BAIAP3: variants seen among roughly 807,000 people sequenced by gnomAD.
BAIAP3 encodes BAI1-associated protein 3.
Under a neutral mutation model 149.7 loss-of-function variants are expected in BAIAP3, and 180 were observed. The observed-to-expected ratio is 1.20, with a 90% CI of 1.07 to 1.36. BAIAP3 has a LOEUF of 1.36. BAIAP3 is among the 40% of genes most tolerant of loss of function. The probability of loss-of-function intolerance (pLI) is 0.00; values close to 1 mark genes in which losing one functional copy is unlikely to be tolerated. For missense variants in BAIAP3, 1,767 were observed against 1,563.4 expected (o/e 1.13, Z -2.20); for synonymous variants, 845 against 670.7 (o/e 1.26, Z -4.02).
rs372851721 is a variant in BAIAP3, at chr16:1,344,472, G to A, written c.1606G>A (p.Gly536Ser). The change falls in exon 18 of 34, where the codon GGC becomes AGC. Residue 536 changes from glycine (G) to serine (S), a missense_variant. By Grantham distance (56) the Gly-to-Ser change is moderately conservative. Coordinates refer to ENST00000426824, the MANE Select transcript of BAIAP3 (RefSeq NM_001199097.2). ...NMDIAAALKRGNREWYDRILN... is the reference protein window; with the variant it reads ...NMDIAAALKRSNREWYDRILN... ...GTCTTGGTGGTGTCTGTTGCAGAGA[G>A]GCAACCGTGAGTGGTACGACAGGAT... is the stretch of plus-strand genomic sequence containing the variant. 9 of 1,613,506 alleles carry A rather than the reference G, an allele frequency of 5.6e-6. No homozygotes were observed. The highest frequency in any genetic ancestry group is 7.6e-6 in the Non-Finnish European group (9 of 1,179,996).
intron 5 of BAIAP3, among the ~76,000 whole-genome samples, chr16:1,340,095 C>CGCAT (rs2033792833): frequency 6.9e-6 from 1 of 145,778 alleles, no homozygotes; most frequent in Non-Finnish European, 1.5e-5. Context: ...TGCACACAGA[C>CGCAT]ACAGGCACAC....
At chr16:1,334,866 C>T (rs1326289758) in intron 1 of BAIAP3, 5 of 1,053,114 alleles carry the variant, frequency 4.7e-6, no homozygotes, top group Non-Finnish European at 7.1e-6. Context: ...AAGAGGGCAG[C>T]GTGGAGAGCC....
chr16:1,341,734 C>A, intron 8 of BAIAP3, 88 bp from the exon 9 acceptor site: 1 of 1,422,978 alleles, frequency 7.0e-7, no homozygotes, highest in South Asian at 1.3e-5. Context: ...TGCTTGTGGC[C>A]TGGTCCCTGC....
intron 11 of BAIAP3, 65 bp from the exon 12 acceptor site, chr16:1,342,461 TC>T (rs1254320544): frequency 6.8e-7 from 1 of 1,467,614 alleles, no homozygotes; most frequent in Non-Finnish European, 9.3e-7. Flanking sequence ...CTCCAGGGTC[TC>T]ACAGAGTCAG....
intron 5 of BAIAP3, among the ~76,000 whole-genome samples, chr16:1,340,721 C>T (rs967507288): frequency 6.6e-6 from 1 of 152,252 alleles, no homozygotes; most frequent in African/African-American, 2.4e-5. Flanking sequence ...TTGCGTGGCC[C>T]TCATCACACC....
At chr16:1,339,467 C>A in intron 4 of BAIAP3, 29 bp from the exon 5 acceptor site, 1 of 1,588,846 alleles carries the variant, frequency 6.3e-7, no homozygotes, top group Non-Finnish European at 8.6e-7. Flanking sequence ...TGGGACGCGG[C>A]ACTGTGGCCG....
chr16:1,337,442 T>G (rs1340149997), intron 1 of BAIAP3, among the ~76,000 whole-genome samples: 1 of 152,192 alleles, frequency 6.6e-6, no homozygotes, highest in Admixed American at 6.5e-5. Flanking sequence ...CGCTTGAACC[T>G]GGAAGGCGGA....
intron 1 of BAIAP3, chr16:1,334,428 G>A (rs988317072): frequency 3.6e-6 from 2 of 557,980 alleles, no homozygotes; most frequent in Non-Finnish European, 6.4e-6. Context: ...CGGGCGCCCG[G>A]GGCCCCGGGA....
rs201024491 is a variant in BAIAP3, at chr16:1,341,978, C to T, written c.777-8C>T. ...CAGACAAGCCAGGTCCTCCCCTGTC[C>T]CCACCAGGGATCATGACGACGATGT... is the stretch of plus-strand genomic sequence containing the variant. On this transcript the variant is annotated splice_polypyrimidine_tract_variant and splice_region_variant and intron_variant, in intron 9 of 33. Coordinates refer to ENST00000426824, the MANE Select transcript of BAIAP3 (RefSeq NM_001199097.2). 1.9e-6 allele frequency: 3 copies of T among 1,590,156 alleles called. No homozygotes were observed. The highest frequency in any genetic ancestry group is 1.7e-6 in the Non-Finnish European group (2 of 1,168,468).
chr16:1,346,773 C>T, intron 27 of BAIAP3, 74 bp from the exon 28 acceptor site: 3 of 1,529,310 alleles, frequency 2.0e-6, no homozygotes, highest in Admixed American at 2.0e-5. Flanking sequence ...GGGAGCTACT[C>T]CTCCAGGCCA....
rs116401495 is a variant in BAIAP3 at position 1,341,195 on chromosome 16, G to A, written c.535G>A (p.Gly179Ser). ...AKNLLAKDPN[G>S]FSDPYCMLGI... ...GAACCTTCTGGCCAAGGACCCCAAC[G>A]GTGAGTGGGGACCCAGCAGACCTCG... is the stretch of plus-strand genomic sequence containing the variant. The change falls in exon 7 of 34, where the codon GGC (glycine) becomes AGC (serine). Residue 179 changes from glycine to serine, a missense_variant and splice_region_variant. Transcript: ENST00000426824. 5.0e-6 allele frequency: 8 copies of A among 1,612,392 alleles called. No individual in the cohort carries two copies. Among genetic ancestry groups the A allele is most frequent in the Middle Eastern group, 1.7e-4 (1 of 6,056 alleles).
chr16:1,334,238 C>A (rs1449019306), intron 1 of BAIAP3, among the ~76,000 whole-genome samples: 1 of 151,980 alleles, frequency 6.6e-6, no homozygotes, highest in Admixed American at 6.5e-5. Context: ...GAAATCCCTG[C>A]GAGTGCAAAG....
chr16:1,341,605 C>T, intron 8 of BAIAP3, 116 bp downstream of exon 8: 2 of 1,371,676 alleles, frequency 1.5e-6, no homozygotes, highest in Non-Finnish European at 2.0e-6. Context: ...GGCCGTGTGC[C>T]CACTTTCCAG....
At chr16:1,340,894 G>A (rs1370768820) in intron 5 of BAIAP3, 28 bp from the exon 6 acceptor site, 2 of 1,555,738 alleles carry the variant, frequency 1.3e-6, no homozygotes, top group Non-Finnish European at 1.7e-6. Flanking sequence ...GGTTGCCTAG[G>A]CCCTGCCAAC....
intron 1 of BAIAP3, among the ~76,000 whole-genome samples, chr16:1,337,886 G>C (rs544752730): frequency 1.3e-5 from 2 of 152,300 alleles, no homozygotes; most frequent in East Asian, 3.9e-4. Flanking sequence ...ACCTTCTACT[G>C]TCCACCTCAG....
chr16:1,343,348 C>T (rs373478155), intron 14 of BAIAP3, 45 bp from the exon 15 acceptor site: 42 of 1,562,714 alleles, frequency 2.7e-5, no homozygotes, highest in Middle Eastern at 2.3e-4. Flanking sequence ...GTGGGCATGG[C>T]AGGGGCGGGG....
At chr16:1,342,450 T>C in intron 11 of BAIAP3, 77 bp from the exon 12 acceptor site, 8 of 1,424,502 alleles carry the variant, frequency 5.6e-6, no homozygotes, top group Non-Finnish European at 7.7e-6. Context: ...CCATGTGGTC[T>C]CTCCAGGGTC....
chr16:1,336,135 C>A, intron 1 of BAIAP3: 1 of 880,450 alleles, frequency 1.1e-6, no homozygotes, highest in Non-Finnish European at 1.4e-6. Flanking sequence ...GCCCCCATCG[C>A]CCCTGTCACA....
In BAIAP3 at chr16:1,344,249, T is replaced by G. The variant is rs763001728; in HGVS notation, c.1534T>G (p.Phe512Val). The change falls in exon 17 of 34, where the codon TTC (phenylalanine) becomes GTC (valine). Residue 512 changes from phenylalanine to valine, a missense_variant. By Grantham distance (50) the Phe-to-Val change is conservative. Transcript: ENST00000426824. Reference protein sequence around the residue: ...LLKCLGKLQLFQPSFEICPFE... With the variant: ...LLKCLGKLQLVQPSFEICPFE... ...CAGGTGTCTGGGCAAGCTGCAGCTC[T>G]TCCAACCCTCCTTTGAGATCTGCCC... is the stretch of plus-strand genomic sequence containing the variant. The G allele has an allele frequency of 6.2e-6, 10 of 1,613,558 alleles. No homozygotes were observed. In the African/African-American group the frequency reaches 1.3e-4, roughly 22 times the overall value.
Sources: gnomAD v4.1 joint callset for allele counts (sites outside exome capture counted in the v4.1 genomes callset) on GRCh38, gnomAD v4.1.1 for gene constraint, MANE v1.5 for transcripts, NCBI Gene and HGNC (gene_info 2026-07-23, HGNC 2026-07-21) for gene names.